Variants in NPSR1 observed in about 807,000 individuals in gnomAD.
NPSR1 encodes the protein neuropeptide S receptor.
A neutral mutation model predicts 46.9 loss-of-function variants in NPSR1; 48 were observed. The observed-to-expected ratio is 1.02, with a 90% confidence interval of 0.81 to 1.30. The LOEUF is 1.30. Among genes scored for constraint, NPSR1 ranks in the 50% most tolerant of loss-of-function variants. NPSR1 has a pLI of 0.00. For synonymous variants in NPSR1, 176 were observed against 168.1 expected, an observed-to-expected ratio of 1.05 and a Z score of -0.36; for missense variants, 450 against 449.5, an observed-to-expected ratio of 1.00 and a Z score of -0.01.
At chr7:34,781,953 T>G (rs965752799) in intron 3 of NPSR1, among the ~76,000 whole-genome samples, 13 of 152,162 alleles carry the variant, frequency 8.5e-5, no homozygotes. Context: ...CCATTATAAT[T>G]CTGTGCATAC....
intron 5 of NPSR1, 122 bp from the exon 6 acceptor site, chr7:34,834,262 G>A: frequency 2.7e-6 from 2 of 735,808 alleles, no homozygotes; most frequent in East Asian, 2.5e-5. Context: ...TAAGGGGGCA[G>A]GCATGGTTAA....
intron 3 of NPSR1, among the ~76,000 whole-genome samples, chr7:34,786,252 TA>T (rs1368830715): frequency 2.6e-5 from 4 of 152,106 alleles, no homozygotes; most frequent in African/African-American, 9.7e-5. Context: ...TCACCAAGAG[TA>T]GATTCCATTT....
At chr7:34,744,228 C>A (rs1785094080) in intron 2 of NPSR1, among the ~76,000 whole-genome samples, 2 of 152,094 alleles carry the variant, frequency 1.3e-5, no homozygotes, top group African/African-American at 2.4e-5. Context: ...CTCTCTTTAT[C>A]TCTAGTAATG....
chr7:34,745,131 C>T (rs1211281484), intron 2 of NPSR1, among the ~76,000 whole-genome samples: 1 of 152,186 alleles, frequency 6.6e-6, no homozygotes, highest in Non-Finnish European at 1.5e-5. Flanking sequence ...ACTATATTGG[C>T]ATCCTTTACT....
intron 1 of NPSR1, among the ~76,000 whole-genome samples, chr7:34,669,174 G>C (rs561048251): frequency 5.6e-4 from 86 of 152,270 alleles, no homozygotes; most frequent in African/African-American, 2.0e-3. Context: ...GCAGTTGTCA[G>C]GGGAATATGA....
chr7:34,764,337 G>T (rs1786324957), intron 2 of NPSR1, among the ~76,000 whole-genome samples: 1 of 152,202 alleles, frequency 6.6e-6, no homozygotes, highest in African/African-American at 2.4e-5. Flanking sequence ...AAGAAGGAAA[G>T]TCACAGTAGG....
chr7:34,703,413 T>C (rs1401918496), intron 2 of NPSR1, among the ~76,000 whole-genome samples: 2 of 151,222 alleles, frequency 1.3e-5, no homozygotes, highest in African/African-American at 4.9e-5. Context: ...TAAAGCATTT[T>C]TTTTTTCACT....
chr7:34,792,571 A>G (rs995683260), intron 3 of NPSR1, among the ~76,000 whole-genome samples: 71 of 72,642 alleles, frequency 9.8e-4, no homozygotes, highest in African/African-American at 3.1e-3. Flanking sequence ...ATATATATAT[A>G]TGTGTGTGTG....
intron 2 of NPSR1, among the ~76,000 whole-genome samples, chr7:34,767,016 A>G (rs1786468209): frequency 6.6e-6 from 1 of 152,192 alleles, no homozygotes; most frequent in South Asian, 2.1e-4. Context: ...GTGTGGCTAT[A>G]AAGGGATAGC....
intron 3 of NPSR1, among the ~76,000 whole-genome samples, chr7:34,789,673 A>C (rs1451579729): frequency 6.9e-6 from 1 of 144,326 alleles, no homozygotes; most frequent in Non-Finnish European, 1.5e-5. Flanking sequence ...GGCCCCTGTA[A>C]TCCCAACTAC....
chr7:34,753,247 C>G (rs1372921705), intron 2 of NPSR1, among the ~76,000 whole-genome samples: 1 of 152,092 alleles, frequency 6.6e-6, no homozygotes, highest in Non-Finnish European at 1.5e-5. Flanking sequence ...GTAGAAAGAT[C>G]AGGAGGAATA....
intron 3 of NPSR1, among the ~76,000 whole-genome samples, chr7:34,784,589 T>G (rs1341030305): frequency 1.3e-5 from 2 of 152,206 alleles, no homozygotes; most frequent in Non-Finnish European, 2.9e-5. Context: ...GGTTTGCCAG[T>G]ATTTTATTGA....
chr7:34,827,437 GC>G lies in NPSR1; in HGVS notation c.517del (p.Leu173CysfsTer10). ...AGGGTCCTCATTGTGATCGCCTGGAGCCTGTCTTTTCTGTTCTCCATTCCCA... is the reference window on the plus strand; with the variant it reads ...AGGGTCCTCATTGTGATCGCCTGGAGCTGTCTTTTCTGTTCTCCATTCCCA... ...QARVLIVIAW[S>X]LSFLFSIPTL... On this transcript the variant is annotated frameshift_variant, in exon 5 of 9. Coordinates refer to ENST00000360581, the MANE Select transcript of NPSR1 (RefSeq NM_207172.2). LOFTEE classifies it high-confidence loss of function. 6.2e-7 allele frequency: 1 copy of G among 1,614,094 alleles called. No homozygotes were observed. Among genetic ancestry groups the G allele is most frequent in the Non-Finnish European group, 8.5e-7 (1 of 1,180,010 alleles).
intron 3 of NPSR1, among the ~76,000 whole-genome samples, chr7:34,807,107 T>C (rs953437584): frequency 2.0e-5 from 3 of 152,188 alleles, no homozygotes; most frequent in Non-Finnish European, 2.9e-5. Flanking sequence ...TGTACTTTGA[T>C]TTCCTTCTTG....
At chr7:34,848,172 G>A (rs1584139923) in intron 7 of NPSR1, among the ~76,000 whole-genome samples, 2 of 152,248 alleles carry the variant, frequency 1.3e-5, no homozygotes, top group East Asian at 1.9e-4. Context: ...AGAGGCTATG[G>A]CCATAGTCAC....
At chr7:34,678,226 T>C (rs1181807981) in intron 1 of NPSR1, among the ~76,000 whole-genome samples, 38 of 141,940 alleles carry the variant, frequency 2.7e-4, no homozygotes, top group African/African-American at 9.7e-4. Flanking sequence ...TTCTTTTTTT[T>C]TTTTTTTTTT....
At chr7:34,794,155 C>T (rs1788068909) in intron 3 of NPSR1, among the ~76,000 whole-genome samples, 1 of 151,916 alleles carries the variant, frequency 6.6e-6, no homozygotes, top group South Asian at 2.1e-4. Context: ...TGTTCTATTG[C>T]ACATCAGGGT....
At chr7:34,671,281 G>T in intron 1 of NPSR1, among the ~76,000 whole-genome samples, 1 of 152,104 alleles carries the variant, frequency 6.6e-6, no homozygotes, top group East Asian at 1.9e-4. Flanking sequence ...CTCTCTGAAA[G>T]TTACTTTGCA....
At chr7:34,701,776 T>C (rs558439160) in intron 2 of NPSR1, among the ~76,000 whole-genome samples, 1 of 152,334 alleles carries the variant, frequency 6.6e-6, no homozygotes, top group Admixed American at 6.5e-5. Context: ...ATAGGCATTG[T>C]CAGGTAAGGC....
Sources: gnomAD v4.1 joint callset for allele counts (sites outside exome capture counted in the v4.1 genomes callset) on GRCh38, gnomAD v4.1.1 for gene constraint, MANE v1.5 for transcripts, NCBI Gene and HGNC (gene_info 2026-07-23, HGNC 2026-07-21) for gene names.